Variants in PARD3B observed in about 807,000 individuals in gnomAD.
PARD3B encodes partitioning defective 3 homolog B.
PARD3B carries 103 observed loss-of-function variants against 130.2 expected under a neutral mutation model. The observed-to-expected ratio is 0.79, with a 90% CI of 0.67 to 0.93. The LOEUF (loss-of-function observed/expected upper bound fraction) is 0.93, where lower values mean the gene tolerates loss of function less well. Ranked by LOEUF, PARD3B falls within the 40% of genes least tolerant of loss-of-function variation. PARD3B has a pLI of 0.00. For missense variants in PARD3B, 1,609 were observed against 1,499.2 expected, an observed-to-expected ratio of 1.07 and a Z score of -1.21; for synonymous variants, 583 against 553.2, an observed-to-expected ratio of 1.05 and a Z score of -0.76.
chr2:205,131,860 A>G (rs1158096847), intron 10 of PARD3B, among the ~76,000 whole-genome samples: 1 of 152,146 alleles, frequency 6.6e-6, no homozygotes, highest in Admixed American at 6.5e-5. Context: ...AGATGTTGGG[A>G]TATCTATTAA....
At chr2:204,616,211 G>A (rs879339327) in intron 1 of PARD3B, among the ~76,000 whole-genome samples, 5 of 152,118 alleles carry the variant, frequency 3.3e-5, no homozygotes, top group Non-Finnish European at 7.4e-5. Context: ...GAACATATTT[G>A]CAAAAGGCAC....
chr2:205,128,568 C>T lies in PARD3B; in HGVS notation c.1434+2831C>T, dbSNP rs2031684545. The stretch of plus-strand genomic sequence containing the variant: ...TCGGAACATCACTCAGAGGCTGTTT[C>T]CTCATCTGTATTGTAAGAATTGTTG... On this transcript the variant is annotated intron_variant, in intron 10 of 22. Transcript: ENST00000406610. The surrounding 1 kb of genome is among the most constrained non-coding windows in gnomAD (Gnocchi z 4.5). 6.6e-6 allele frequency among the ~76,000 whole-genome samples: 1 copy of T among 152,198 alleles called. No individual in the cohort carries two copies. The highest frequency in any genetic ancestry group is 2.4e-5 in the African/African-American group (1 of 41,450).
At chr2:204,588,467 A>G (rs959659742) in intron 1 of PARD3B, among the ~76,000 whole-genome samples, 1 of 152,210 alleles carries the variant, frequency 6.6e-6, no homozygotes, top group Non-Finnish European at 1.5e-5. Context: ...TGCTTCCTAC[A>G]GAAACTATTC....
intron 4 of PARD3B, among the ~76,000 whole-genome samples, chr2:205,103,344 T>TGTAAAATAAATATATTTTTATTTAG: frequency 7.3e-6 from 1 of 137,376 alleles, no homozygotes; most frequent in Non-Finnish European, 1.6e-5. Context: ...TTTTTATTTA[T>TGTAAAATAAATATATTTTTATTTAG]GTAAAATAAA....
At chr2:204,579,044 T>A (rs1346249079) in intron 1 of PARD3B, among the ~76,000 whole-genome samples, 1 of 151,900 alleles carries the variant, frequency 6.6e-6, no homozygotes, top group Non-Finnish European at 1.5e-5. Context: ...ACTTGAGTTG[T>A]CCCGGTTGAG....
At chr2:205,231,762 G>C (rs2038849424) in intron 15 of PARD3B, among the ~76,000 whole-genome samples, 1 of 152,196 alleles carries the variant, frequency 6.6e-6, no homozygotes, top group Admixed American at 6.5e-5. Context: ...GGGAAAGCAA[G>C]GGGGTTAGAG....
intron 3 of PARD3B, among the ~76,000 whole-genome samples, chr2:205,014,116 G>GTACT (rs761789665): frequency 2.6e-5 from 4 of 152,120 alleles, no homozygotes; most frequent in Admixed American, 6.5e-5. Context: ...TGGCATGCTG[G>GTACT]TACTTAAATT....
Position 205,244,741 on chromosome 2 carries a change from G to C in PARD3B, c.2141-1037G>C, listed in dbSNP as rs2039497329. Among the ~76,000 whole-genome samples the C allele has an allele frequency of 6.6e-6, 1 of 152,044 alleles. No individual in the cohort carries two copies. Among genetic ancestry groups the C allele is most frequent in the Admixed American group, 6.5e-5 (1 of 15,278 alleles). ...TCTAATTCTTCCTATATGAGCTTCA[G>C]TAATTGTGTCTTTTAAAAACGAATC... On this transcript the variant is annotated intron_variant, in intron 15 of 22. Transcript: ENST00000406610. This position sits in a 1 kb window ranked among gnomAD's most constrained non-coding sequence, Gnocchi z 4.7.
chr2:204,619,459 T>TTA (rs1460198653), intron 1 of PARD3B, among the ~76,000 whole-genome samples: 2 of 152,168 alleles, frequency 1.3e-5, no homozygotes, highest in African/African-American at 4.8e-5. Context: ...TCAAACAGTT[T>TTA]TATATATATA....
intron 21 of PARD3B, among the ~76,000 whole-genome samples, chr2:205,514,149 G>C (rs78232971): frequency 2.8e-4 from 42 of 152,206 alleles, no homozygotes; most frequent in Middle Eastern, 3.4e-3. Context: ...AGATCAGCCC[G>C]AGAGAGTAGA....
At position 205,581,067 on chromosome 2, in the gene PARD3B, A is replaced by G. The variant is rs77626855; in HGVS notation, c.3260+27664A>G. Among the ~76,000 whole-genome samples the G allele has an allele frequency of 2.1e-3, 324 of 152,186 alleles. 2 individuals are homozygous for G. The highest frequency in any genetic ancestry group is 7.0e-3 in the African/African-American group (290 of 41,536). ...AGATTAAGCATTAACTAATGCTTTC[A>G]TTAAGATACCTAAGCATTTATACCC... On this transcript the variant is annotated intron_variant, in intron 22 of 22. Transcript: ENST00000406610.
intron 13 of PARD3B, among the ~76,000 whole-genome samples, chr2:205,182,216 C>T (rs5006526): frequency 0.096 from 14,581 of 151,738 alleles, 926 homozygotes; most frequent in East Asian, 0.12. Flanking sequence ...GGCTTGAACC[C>T]GGGAGGCGGA....
intron 2 of PARD3B, among the ~76,000 whole-genome samples, chr2:204,900,406 A>G (rs2046812494): frequency 1.3e-5 from 2 of 152,130 alleles, no homozygotes; most frequent in Non-Finnish European, 2.9e-5. Context: ...GGAGACACCG[A>G]CACAGTCTTC....
intron 20 of PARD3B, among the ~76,000 whole-genome samples, chr2:205,483,694 A>G (rs973262904): frequency 1.3e-4 from 20 of 152,062 alleles, no homozygotes; most frequent in Admixed American, 6.6e-5. Context: ...TTTTCAAGTT[A>G]TAAATTTAGA....
chr2:205,020,196 G>A (rs1696489725), intron 3 of PARD3B, among the ~76,000 whole-genome samples: 1 of 152,090 alleles, frequency 6.6e-6, no homozygotes, highest in African/African-American at 2.4e-5. Context: ...GGGGACATCA[G>A]GCCTACCTGC....
chr2:204,687,330 C>T (rs1012125854), intron 2 of PARD3B, among the ~76,000 whole-genome samples: 16 of 151,994 alleles, frequency 1.1e-4, no homozygotes, highest in African/African-American at 2.4e-4. Context: ...TTGTTATTAG[C>T]GATTTTATAG....
chr2:204,837,207 A>G (rs937361151), intron 2 of PARD3B, among the ~76,000 whole-genome samples: 1 of 152,182 alleles, frequency 6.6e-6, no homozygotes, highest in African/African-American at 2.4e-5. Context: ...TACTAAGACT[A>G]TATAAAAATC....
At chr2:205,453,255 A>G (rs901699896) in intron 20 of PARD3B, among the ~76,000 whole-genome samples, 1 of 152,140 alleles carries the variant, frequency 6.6e-6, no homozygotes, top group Non-Finnish European at 1.5e-5. Flanking sequence ...CTAGAAACTG[A>G]GTGGGTATAA....
intron 19 of PARD3B, among the ~76,000 whole-genome samples, chr2:205,419,976 A>T (rs1559076443): frequency 6.6e-6 from 1 of 152,296 alleles, no homozygotes; most frequent in East Asian, 1.9e-4. Flanking sequence ...TATATTTTCG[A>T]AAGATTTGCG....
Sources: allele counts gnomAD v4.1 joint callset (sites outside exome capture counted in the v4.1 genomes callset), GRCh38; gene constraint gnomAD v4.1.1; non-coding constraint Gnocchi (gnomAD v3.1); transcripts MANE v1.5; gene names NCBI Gene and HGNC (gene_info 2026-07-23, HGNC 2026-07-21).